ADGRL2: variants seen among roughly 807,000 people sequenced by gnomAD.
ADGRL2 encodes the protein calcium-independent alpha-latrotoxin receptor 2.
ADGRL2 carries 44 observed loss-of-function variants against 157.4 expected under a neutral mutation model. The observed-to-expected ratio is 0.28, with a 90% CI of 0.22 to 0.36. ADGRL2 has a LOEUF of 0.36. ADGRL2 is among the 10% of genes least tolerant of loss of function. The pLI is 1.00. For missense variants in ADGRL2, 1,510 were observed against 1,768.9 expected, an observed-to-expected ratio of 0.85 and a Z score of 2.63; for synonymous variants, 585 against 624.7, an observed-to-expected ratio of 0.94 and a Z score of 0.95.
chr1:81,708,656 A>ATG (rs2083821981), intron 1 of ADGRL2, among the ~76,000 whole-genome samples: 1 of 147,582 alleles, frequency 6.8e-6, no homozygotes, highest in Non-Finnish European at 1.5e-5. Context: ...ATATATATAT[A>ATG]CACACACACA....
chr1:81,571,278 T>C (rs996881342), intron 2 of ADGRL2, among the ~76,000 whole-genome samples: 2 of 150,904 alleles, frequency 1.3e-5, no homozygotes, highest in Non-Finnish European at 2.9e-5. Flanking sequence ...TGAGCCAAGA[T>C]CATGCCACTG....
intron 2 of ADGRL2, among the ~76,000 whole-genome samples, chr1:81,781,356 C>T (rs904518782): frequency 6.6e-6 from 1 of 152,008 alleles, no homozygotes; most frequent in African/African-American, 2.4e-5. Flanking sequence ...TTTAATTCTG[C>T]CCCCTATCTT....
Position 81,968,102 on chromosome 1 carries a change from A to C in ADGRL2, c.2426A>C (p.Gln809Pro), listed in dbSNP as rs755571301. ...ERTMMGYWST[Q>P]GCKLVDTNKT... ...ACTATGATGGGATATTGGTCTACCC[A>C]GGGCTGCAAGCTGGTTGACACTAAT... The change falls in exon 14 of 24, where the codon CAG becomes CCG. Residue 809 changes from glutamine (Q) to proline (P), a missense_variant. Around this residue, in one of 4 missense-constraint regions of ADGRL2, gnomAD observed 497 missense variants for 627.2 expected, o/e 0.79. Coordinates refer to ENST00000686636, the MANE Select transcript of ADGRL2 (RefSeq NM_001366006.2). 6.2e-7 allele frequency: 1 copy of C among 1,613,702 alleles called. No homozygotes were observed. Among genetic ancestry groups the C allele is most frequent in the Non-Finnish European group, 8.5e-7 (1 of 1,179,762 alleles).
At chr1:81,508,633 A>C (rs1258402110) in intron 2 of ADGRL2, among the ~76,000 whole-genome samples, 2 of 152,230 alleles carry the variant, frequency 1.3e-5, no homozygotes, top group Non-Finnish European at 1.5e-5. Context: ...GCACTGCATG[A>C]AAGCAAGTGC....
At chr1:81,857,952 AT>A (rs2093261410) in intron 2 of ADGRL2, among the ~76,000 whole-genome samples, 1 of 152,062 alleles carries the variant, frequency 6.6e-6, no homozygotes, top group Admixed American at 6.6e-5. Context: ...TTAAATTGAT[AT>A]TTTTAGAATG....
At chr1:81,418,077 A>G (rs1488243349) in intron 1 of ADGRL2, among the ~76,000 whole-genome samples, 4 of 152,250 alleles carry the variant, frequency 2.6e-5, no homozygotes, top group African/African-American at 7.2e-5. Context: ...AGCTCTCTAA[A>G]GGCTGAAATC....
At chr1:81,934,803 C>CT (rs1225133345) in intron 3 of ADGRL2, among the ~76,000 whole-genome samples, 2 of 150,746 alleles carry the variant, frequency 1.3e-5, no homozygotes, top group African/African-American at 2.4e-5. Context: ...AAAGGGATAT[C>CT]TAACACACAG....
intron 1 of ADGRL2, among the ~76,000 whole-genome samples, chr1:81,805,652 T>C (rs1331781787): frequency 1.3e-5 from 2 of 151,618 alleles, no homozygotes; most frequent in Non-Finnish European, 1.5e-5. Context: ...TGTATATCAT[T>C]ATATCCTTAC....
chr1:81,481,315 A>G (rs942970649), intron 2 of ADGRL2, among the ~76,000 whole-genome samples: 4 of 152,230 alleles, frequency 2.6e-5, no homozygotes, highest in East Asian at 3.8e-4. Context: ...GTAAAATCAC[A>G]TGGGGAATGT....
intron 3 of ADGRL2, among the ~76,000 whole-genome samples, chr1:81,664,421 G>A (rs2082715412): frequency 6.6e-6 from 1 of 152,156 alleles, no homozygotes; most frequent in African/African-American, 2.4e-5. Context: ...TTCTACTTTA[G>A]TTTCACCATA....
intron 1 of ADGRL2, among the ~76,000 whole-genome samples, chr1:81,761,393 T>TA (rs1357893267): frequency 1.3e-5 from 2 of 151,954 alleles, no homozygotes; most frequent in East Asian, 3.9e-4. Flanking sequence ...TATTATACTT[T>TA]AAAAAACTGA....
In ADGRL2 at chr1:81,970,455, G is replaced by A. The variant is rs756113269; in HGVS notation, c.2875G>A (p.Val959Ile). ...SEYSRKKYYY[V>I]AGYLFPATVV... ...ATATTCAAGGAAAAAATATTACTAT[G>A]TTGCTGGTTACTTGTTTCCTGCCAC... The change falls in exon 16 of 24, where the codon GTT (valine) becomes ATT (isoleucine). Residue 959 changes from valine to isoleucine, a missense_variant. Physicochemically the swap from Val to Ile is conservative, Grantham distance 29. Transcript: ENST00000686636. 5 of 1,566,134 alleles carry A rather than the reference G, an allele frequency of 3.2e-6. No individual in the cohort carries two copies. The highest frequency in any genetic ancestry group is 4.1e-5 in the Admixed American group (2 of 48,786).
Position 81,907,078 on chromosome 1 carries a change from T to C in ADGRL2, c.135T>C (p.Tyr45=). Residue 45 remains tyrosine (Y), a synonymous_variant, in exon 3 of 24, where the codon TAT becomes TAC. Transcript: ENST00000686636. ...GGCGAGAATTATCCTGTGAAGGTTA[T>C]TCTATAGATCTGCGATGCCCGGGCA... ...LVRRELSCEG[Y]SIDLRCPGSD... 1 of 1,614,124 alleles carries C rather than the reference T, an allele frequency of 6.2e-7. No homozygotes were observed.
At position 81,872,849 on chromosome 1, in the gene ADGRL2, A is replaced by G. The variant is rs547895078; in HGVS notation, c.74-34168A>G. 7.2e-5 allele frequency among the ~76,000 whole-genome samples: 11 copies of G among 152,234 alleles called. No individual in the cohort carries two copies. In the South Asian group the frequency reaches 2.1e-3, roughly 29 times the overall value. On this transcript the variant is annotated intron_variant, in intron 2 of 23. Transcript: ENST00000686636. ...TTAATGCCTGTTAGTGTTCATCAGT[A>G]TAAAGGAAAGCTAAAAAGTTTGTTG...
intron 2 of ADGRL2, among the ~76,000 whole-genome samples, chr1:81,484,642 G>A (rs1036860660): frequency 6.6e-6 from 1 of 152,144 alleles, no homozygotes; most frequent in African/African-American, 2.4e-5. Context: ...TGTACACAGT[G>A]TAGGCAGCAT....
intron 2 of ADGRL2, among the ~76,000 whole-genome samples, chr1:81,474,772 T>G (rs12037760): frequency 1.3e-5 from 2 of 152,204 alleles, no homozygotes; most frequent in African/African-American, 4.8e-5. Context: ...GTCAGTAAGA[T>G]CCTTATGAAA....
intron 3 of ADGRL2, among the ~76,000 whole-genome samples, chr1:81,673,144 A>G (rs907940172): frequency 1.3e-5 from 2 of 152,236 alleles, no homozygotes; most frequent in African/African-American, 4.8e-5. Flanking sequence ...CATTTAAAGA[A>G]AGAATATCCA....
intron 19 of ADGRL2, among the ~76,000 whole-genome samples, chr1:81,983,282 T>C (rs1048680414): frequency 1.8e-4 from 28 of 151,970 alleles, no homozygotes; most frequent in African/African-American, 6.8e-4. Flanking sequence ...ATACATCCAG[T>C]TGGGTGCGCC....
chr1:81,502,377 G>A, intron 2 of ADGRL2: 1 of 1,614,154 alleles, frequency 6.2e-7, no homozygotes, highest in East Asian at 2.2e-5. Flanking sequence ...GGAGGCCGGG[G>A]AAGAGAGATC....
Sources: gnomAD v4.1 joint callset for allele counts (sites outside exome capture counted in the v4.1 genomes callset) on GRCh38, gnomAD v4.1.1 for gene constraint, gnomAD v4.1.1 regional missense constraint, MANE v1.5 for transcripts, NCBI Gene and HGNC (gene_info 2026-07-23, HGNC 2026-07-21) for gene names.